Variants in EPHA3 observed in about 807,000 individuals in gnomAD.
EPHA3 encodes the protein EPH receptor A3.
In EPHA3, 42 loss-of-function variants were observed where a neutral mutation model predicts 107.1. The ratio of observed to expected loss-of-function variants is 0.39; its 90% CI spans 0.31 to 0.51. The LOEUF (loss-of-function observed/expected upper bound fraction) is 0.51. Ranked by LOEUF, EPHA3 falls within the 20% of genes least tolerant of loss-of-function variation. The probability of loss-of-function intolerance (pLI) is 0.78; values close to 1 mark genes in which losing one functional copy is unlikely to be tolerated. For synonymous variants in EPHA3, 461 were observed against 424.8 expected (o/e 1.09, Z -1.05); for missense variants, 1,183 against 1,211.2 (o/e 0.98, Z 0.35).
intron 8 of EPHA3, 36 bp from the exon 9 acceptor site, chr3:89,408,031 C>T (rs775542884): frequency 6.3e-7 from 1 of 1,590,130 alleles, no homozygotes; most frequent in South Asian, 1.1e-5. Context: ...TAAATATATT[C>T]CTCTTATGTG....
intron 1 of EPHA3, among the ~76,000 whole-genome samples, chr3:89,110,646 T>C (rs1295255316): frequency 1.3e-5 from 2 of 152,030 alleles, no homozygotes; most frequent in African/African-American, 2.4e-5. Context: ...TCTGTTTACA[T>C]GGCTTAAGAA....
chr3:89,300,315 G>A lies in EPHA3; in HGVS notation c.815-40601G>A, dbSNP rs535283224. On this transcript the variant is annotated intron_variant, in intron 3 of 16. Transcript: ENST00000336596. ...ATAAACTACTCTTACAGCCTATTTAGAATTGTCAAAATATCAAACTTATAT... is the reference window on the plus strand; with the variant it reads ...ATAAACTACTCTTACAGCCTATTTAAAATTGTCAAAATATCAAACTTATAT... Among the ~76,000 whole-genome samples, 5 of 151,692 alleles carry A rather than the reference G, an allele frequency of 3.3e-5. No homozygotes were observed. In the South Asian group the frequency reaches 8.3e-4, roughly 25 times the overall value.
At chr3:89,477,953 T>TTCC (rs1710549679) in intron 16 of EPHA3, among the ~76,000 whole-genome samples, 2 of 151,408 alleles carry the variant, frequency 1.3e-5, no homozygotes, top group Non-Finnish European at 2.9e-5. Flanking sequence ...TGGAAGAAAA[T>TTCC]GAAACAAGAA....
intron 9 of EPHA3, among the ~76,000 whole-genome samples, 163 bp from the exon 10 acceptor site, chr3:89,412,978 A>C (rs1200123639): frequency 1.3e-5 from 2 of 151,794 alleles, no homozygotes; most frequent in Non-Finnish European, 2.9e-5. Flanking sequence ...TTTTCAACAC[A>C]GTCCAATGTC....
Position 89,336,788 on chromosome 3 carries a change from C to T in EPHA3, c.815-4128C>T, listed in dbSNP as rs111623756. ...GCAAATCCTAGAGAAAGGCTGGGTG[C>T]AGTAGCCCAAGCCTGTAACCCCAGC... is the stretch of plus-strand genomic sequence containing the variant. On this transcript the variant is annotated intron_variant, in intron 3 of 16. Transcript: ENST00000336596. Among the ~76,000 whole-genome samples the T allele has an allele frequency of 4.7e-3, 709 of 152,198 alleles. 5 individuals are homozygous for T. Among genetic ancestry groups the T allele is most frequent in the African/African-American group, 0.016 (677 of 41,522 alleles).
intron 11 of EPHA3, 114 bp from the exon 12 acceptor site, chr3:89,428,992 A>G (rs1230743657): frequency 3.2e-6 from 2 of 628,850 alleles, no homozygotes; most frequent in Non-Finnish European, 4.8e-6. Flanking sequence ...ATTAGAAGAC[A>G]GGCAAAGTTC....
intron 13 of EPHA3, among the ~76,000 whole-genome samples, chr3:89,440,291 A>T (rs992823635): frequency 2.6e-5 from 4 of 152,134 alleles, no homozygotes; most frequent in African/African-American, 9.7e-5. Context: ...TTAAATACTC[A>T]ATTACTTGGG....
chr3:89,243,509 T>C (rs987770138), intron 3 of EPHA3, among the ~76,000 whole-genome samples: 3 of 152,342 alleles, frequency 2.0e-5, no homozygotes, highest in African/African-American at 7.2e-5. Flanking sequence ...TGGCCAGTGA[T>C]GATGAGCATT....
At chr3:89,230,544 A>G (rs1704603842) in intron 3 of EPHA3, among the ~76,000 whole-genome samples, 2 of 152,086 alleles carry the variant, frequency 1.3e-5, no homozygotes, top group African/African-American at 4.8e-5. Context: ...CTATGGTAAC[A>G]TGGTTTTGAT....
At chr3:89,194,586 G>A (rs1442277148) in intron 2 of EPHA3, among the ~76,000 whole-genome samples, 2 of 151,910 alleles carry the variant, frequency 1.3e-5, no homozygotes, top group African/African-American at 4.8e-5. Context: ...AAAATTGTTA[G>A]GACAAAATCT....
chr3:89,450,214 C>T lies in EPHA3; in HGVS notation c.2534C>T (p.Pro845Leu), dbSNP rs572288873. Residue 845 changes from proline (P) to leucine (L), a missense_variant, in exon 15 of 17, where the codon CCC (proline) becomes CTC (leucine). Transcript: ENST00000336596. The part of the protein sequence containing the change: ...KAVDEGYRLP[P>L]PMDCPAALYQ... Reference sequence around the variant, plus strand: ...GTAGATGAGGGCTATCGACTGCCACCCCCCATGGACTGCCCAGCTGCCTTG... The same window carrying T: ...GTAGATGAGGGCTATCGACTGCCACTCCCCATGGACTGCCCAGCTGCCTTG... 6.2e-7 allele frequency: 1 copy of T among 1,609,420 alleles called. No homozygotes were observed. Among genetic ancestry groups the T allele is most frequent in the South Asian group, 1.1e-5 (1 of 89,982 alleles).
chr3:89,177,987 A>C (rs565262183), intron 2 of EPHA3, among the ~76,000 whole-genome samples: 3 of 152,338 alleles, frequency 2.0e-5, no homozygotes, highest in African/African-American at 7.2e-5. Flanking sequence ...TGAACATAAT[A>C]TCCTCCAAAG....
At chr3:89,212,995 A>G (rs2107189114) in intron 3 of EPHA3, among the ~76,000 whole-genome samples, 1 of 152,084 alleles carries the variant, frequency 6.6e-6, no homozygotes, top group East Asian at 1.9e-4. Context: ...CTTACTCTCC[A>G]CTCATTTCTC....
In EPHA3 at chr3:89,368,196, T is replaced by TA. The variant is rs752742879; in HGVS notation, c.1306+26113dup. ...GTAGTTGTGGAGGTATGGGGTTTTTTAAAAAAATTATTATTTTAAGAGAAA... is the reference window on the plus strand; with the variant it reads ...GTAGTTGTGGAGGTATGGGGTTTTTTAAAAAAAATTATTATTTTAAGAGAAA... On this transcript the variant is annotated intron_variant, in intron 5 of 16. Coordinates refer to ENST00000336596, the MANE Select transcript of EPHA3 (RefSeq NM_005233.6). Among the ~76,000 whole-genome samples, 169 of 150,488 alleles carry TA rather than the reference T, an allele frequency of 1.1e-3. 3 individuals are homozygous for TA. Among genetic ancestry groups the TA allele is most frequent in the Non-Finnish European group, 2.0e-3 (135 of 67,164 alleles).
intron 3 of EPHA3, among the ~76,000 whole-genome samples, chr3:89,327,323 A>G (rs1345150679): frequency 6.6e-6 from 1 of 152,182 alleles, no homozygotes; most frequent in Non-Finnish European, 1.5e-5. Context: ...CTGTAAACAC[A>G]CAGATGATGA....
chr3:89,364,756 T>G (rs1367153884), intron 5 of EPHA3, among the ~76,000 whole-genome samples: 1 of 151,152 alleles, frequency 6.6e-6, no homozygotes, highest in South Asian at 2.1e-4. Context: ...ATGTTAAACC[T>G]GCTGAAGAGT....
chr3:89,187,786 A>G (rs187146583), intron 2 of EPHA3, among the ~76,000 whole-genome samples: 88 of 152,254 alleles, frequency 5.8e-4, no homozygotes, highest in Non-Finnish European at 5.7e-4. Flanking sequence ...TATCTGAGAT[A>G]ATTGGCCATG....
At chr3:89,261,352 T>C (rs981644024) in intron 3 of EPHA3, among the ~76,000 whole-genome samples, 4 of 152,192 alleles carry the variant, frequency 2.6e-5, no homozygotes, top group Admixed American at 6.5e-5. Context: ...TTCAGCTCCT[T>C]TGAATACTTC....
intron 3 of EPHA3, among the ~76,000 whole-genome samples, chr3:89,212,932 T>G (rs1218967276): frequency 6.6e-6 from 1 of 151,982 alleles, no homozygotes; most frequent in East Asian, 1.9e-4. Context: ...CCTAGACTTT[T>G]TGATGACTAT....
Sources: allele counts gnomAD v4.1 joint callset (sites outside exome capture counted in the v4.1 genomes callset), GRCh38; gene constraint gnomAD v4.1.1; transcripts MANE v1.5; gene names NCBI Gene and HGNC (gene_info 2026-07-23, HGNC 2026-07-21).